ST7L: variants seen among roughly 807,000 people sequenced by gnomAD.
ST7L encodes the protein suppressor of tumorigenicity 7 protein-like.
A neutral mutation model predicts 72.5 loss-of-function variants in ST7L; 57 were observed. That is an observed-to-expected ratio of 0.79 (90% CI 0.64 to 0.98). ST7L has a LOEUF of 0.98. Among genes scored for constraint, ST7L ranks in the 50% least tolerant of loss-of-function variants. ST7L has a pLI of 0.00. For synonymous variants in ST7L, 221 were observed against 240.9 expected (o/e 0.92, Z 0.77); for missense variants, 576 against 672.2 (o/e 0.86, Z 1.58).
rs147290066 is a variant in ST7L at position 112,618,714 on chromosome 1, G to A, written c.205+195C>T. The A allele has an allele frequency of 9.8e-4, 1,197 of 1,216,688 alleles. 8 individuals are homozygous for A. The African/African-American group carries it at 0.016, about 16-fold the overall frequency. 75.4% of individuals were successfully genotyped at this position (1,216,688 alleles called of 1,614,324 possible). On this transcript the variant is annotated intron_variant, in intron 1 of 14. Coordinates refer to ENST00000358039, the MANE Select transcript of ST7L (RefSeq NM_017744.5). ...GAGGGCGGACCTTAAGAGTTCTACG[G>A]AGGAGCCGGTAACGGCAGCAGGCTT...
intron 12 of ST7L, among the ~76,000 whole-genome samples, chr1:112,554,773 A>G (rs1044705841): frequency 1.3e-5 from 2 of 152,220 alleles, no homozygotes; most frequent in African/African-American, 2.4e-5. Context: ...AAAAAATGTG[A>G]TATATACATA....
At chr1:112,601,694 A>G (rs1241111828) in intron 3 of ST7L, among the ~76,000 whole-genome samples, 1 of 152,220 alleles carries the variant, frequency 6.6e-6, no homozygotes, top group Non-Finnish European at 1.5e-5. Context: ...GAACATCTGC[A>G]GCAGAGGAAG....
upstream of ST7L, chr1:112,619,228 G>T: frequency 1.0e-6 from 1 of 965,850 alleles, no homozygotes; most frequent in Non-Finnish European, 1.5e-6. Flanking sequence ...GCTGAGTCCT[G>T]GGGAACCGGG....
At chr1:112,569,991 C>T (rs1571082676) in intron 11 of ST7L, among the ~76,000 whole-genome samples, 1 of 141,524 alleles carries the variant, frequency 7.1e-6, no homozygotes, top group South Asian at 2.2e-4. Context: ...AACTATGAAA[C>T]CATTTGATGG....
chr1:112,546,802 A>G (rs1453501070), intron 13 of ST7L, among the ~76,000 whole-genome samples: 1 of 152,022 alleles, frequency 6.6e-6, no homozygotes, highest in Admixed American at 6.6e-5. Flanking sequence ...TTCACTAATT[A>G]TAAATATTAT....
At chr1:112,618,295 G>A (rs1297670740) in intron 1 of ST7L, 1 of 1,026,086 alleles carries the variant, frequency 9.7e-7, no homozygotes, top group Non-Finnish European at 1.2e-6. Flanking sequence ...TTCTACAGAC[G>A]TCGAAAGAAC....
chr1:112,524,161 C>T lies in ST7L; in HGVS notation c.*1852G>A, dbSNP rs1207903943. On this transcript the variant is annotated 3_prime_UTR_variant, in exon 15 of 15. Transcript: ENST00000358039. Reference sequence around the variant, plus strand: ...TTCTCCTTTGTCTCACTTCCCTTATCAAGAACACCAACCAGTAAGTCTTTG... The same window carrying T: ...TTCTCCTTTGTCTCACTTCCCTTATTAAGAACACCAACCAGTAAGTCTTTG... 1 of 152,578 alleles carries T rather than the reference C, an allele frequency of 6.6e-6. No homozygotes were observed. The highest frequency in any genetic ancestry group is 2.4e-5 in the African/African-American group (1 of 41,434). The allele number at this position is 152,578 out of a possible 1,614,324, so 9.5% of individuals were successfully genotyped here.
chr1:112,548,964 C>T (rs1470126920), intron 13 of ST7L, among the ~76,000 whole-genome samples: 2 of 151,476 alleles, frequency 1.3e-5, no homozygotes, highest in Admixed American at 6.6e-5. Context: ...GGGTCCTTTG[C>T]CTTTCCATAT....
In ST7L at chr1:112,596,017, T is replaced by TCTGTGAGAGGGG. The variant is rs796306466; in HGVS notation, c.622+1942_622+1953dup. On this transcript the variant is annotated intron_variant, in intron 5 of 14. Coordinates refer to ENST00000358039, the MANE Select transcript of ST7L (RefSeq NM_017744.5). Reference sequence around the variant, plus strand: ...GCTGACGTTTGCAATTCAGTGTCACTCTGTGAGAGGGGCTGTGAGAGAAAG... The same window carrying TCTGTGAGAGGGG: ...GCTGACGTTTGCAATTCAGTGTCACTCTGTGAGAGGGGCTGTGAGAGGGGCTGTGAGAGAAAG... Among the ~76,000 whole-genome samples the TCTGTGAGAGGGG allele has an allele frequency of 4.4e-3, 675 of 152,292 alleles. 2 individuals carry two copies. The highest frequency in any genetic ancestry group is 0.015 in the African/African-American group (642 of 41,558).
chr1:112,537,178 T>C (rs1382097775), intron 14 of ST7L, among the ~76,000 whole-genome samples: 1 of 152,126 alleles, frequency 6.6e-6, no homozygotes, highest in East Asian at 1.9e-4. Flanking sequence ...TTTGTATTTT[T>C]AGTAGAGACG....
intron 12 of ST7L, 93 bp downstream of exon 12, chr1:112,555,775 A>T: frequency 1.6e-6 from 2 of 1,235,804 alleles, no homozygotes; most frequent in South Asian, 5.0e-5. Context: ...ACAAATCCTT[A>T]TGGAAACCCA....
intron 14 of ST7L, among the ~76,000 whole-genome samples, chr1:112,530,639 TC>T (rs1654233775): frequency 1.3e-5 from 2 of 152,138 alleles, no homozygotes; most frequent in Non-Finnish European, 2.9e-5. Flanking sequence ...GGTCTCAAAC[TC>T]CTGACCTCAG....
chr1:112,536,611 A>G (rs937979737), intron 14 of ST7L, among the ~76,000 whole-genome samples: 1 of 152,170 alleles, frequency 6.6e-6, no homozygotes, highest in Non-Finnish European at 1.5e-5. Flanking sequence ...GACATTCTGT[A>G]GAGAGGTTCT....
At chr1:112,584,253 C>A (rs1664543215) in intron 6 of ST7L, 127 bp from the exon 7 acceptor site, 21 of 930,068 alleles carry the variant, frequency 2.3e-5, no homozygotes, top group Non-Finnish European at 3.0e-5. Flanking sequence ...AAAAAAAAAA[C>A]CTTCGTTCAA....
At chr1:112,534,328 CTA>C (rs1443548465) in intron 14 of ST7L, among the ~76,000 whole-genome samples, 6 of 152,226 alleles carry the variant, frequency 3.9e-5, no homozygotes, top group African/African-American at 1.4e-4. Flanking sequence ...TGTATCATGA[CTA>C]AAAGTAATAA....
At chr1:112,542,630 C>T (rs1479104847) in intron 13 of ST7L, among the ~76,000 whole-genome samples, 3 of 151,892 alleles carry the variant, frequency 2.0e-5, no homozygotes, top group Non-Finnish European at 2.9e-5. Context: ...TGGTGTGTGC[C>T]TGTAGGTCCA....
At chr1:112,544,450 AAAAGTTAG>A (rs1656731112) in intron 13 of ST7L, among the ~76,000 whole-genome samples, 1 of 152,222 alleles carries the variant, frequency 6.6e-6, no homozygotes, top group Non-Finnish European at 1.5e-5. Flanking sequence ...TGGAAGTTTT[AAAAGTTAG>A]AAACATTAGA....
At chr1:112,604,242 G>A (rs1667854381) in intron 3 of ST7L, among the ~76,000 whole-genome samples, 1 of 152,104 alleles carries the variant, frequency 6.6e-6, no homozygotes, top group Non-Finnish European at 1.5e-5. Flanking sequence ...TTGGAAGGCG[G>A]AGGTTGCAGT....
At chr1:112,565,916 T>TAGGCTTA (rs1349432292) in intron 11 of ST7L, among the ~76,000 whole-genome samples, 1 of 150,910 alleles carries the variant, frequency 6.6e-6, no homozygotes, top group Non-Finnish European at 1.5e-5. Context: ...AAGGCTTAGG[T>TAGGCTTA]GGGAGGATCA....
Sources: allele counts gnomAD v4.1 joint callset (sites outside exome capture counted in the v4.1 genomes callset), GRCh38; gene constraint gnomAD v4.1.1; transcripts MANE v1.5; gene names NCBI Gene and HGNC (gene_info 2026-07-23, HGNC 2026-07-21).